The following NT5C1B variants were observed in gnomAD, a reference collection of about 807,000 sequenced individuals.
NT5C1B encodes cytosolic 5'-nucleotidase 1B.
NT5C1B carries 44 observed loss-of-function variants against 57.8 expected under a neutral mutation model. The ratio of observed to expected loss-of-function variants is 0.76; its 90% confidence interval spans 0.60 to 0.98. NT5C1B has a LOEUF of 0.98. NT5C1B is among the 50% of genes least tolerant of loss of function. The pLI is 0.00. For synonymous variants in NT5C1B, 284 were observed against 282.6 expected (o/e 1.00, Z -0.05); for missense variants, 742 against 719.5 (o/e 1.03, Z -0.36).
chr2:18,580,390 G>C (rs1666078058), intron 6 of NT5C1B, among the ~76,000 whole-genome samples: 1 of 152,210 alleles, frequency 6.6e-6, no homozygotes, highest in Middle Eastern at 3.2e-3. Flanking sequence ...AAGGCGGGCA[G>C]ATCATCTGAG....
chr2:18,565,317 T>C (rs551969059), intron 8 of NT5C1B, among the ~76,000 whole-genome samples: 2 of 152,344 alleles, frequency 1.3e-5, no homozygotes, highest in South Asian at 2.1e-4. Flanking sequence ...TTTGTGCTTC[T>C]AGTCCTCTGC....
At position 18,584,890 on chromosome 2, in the gene NT5C1B, G is replaced by C. The variant is rs61742596; in HGVS notation, c.347C>G (p.Ser116Trp). The stretch of plus-strand genomic sequence containing the variant: ...CTGGGGCGACGCGGGTGGCTGGAGC[G>C]AGGGCTGCCCGGACAGCGGCGGCGG... The change falls in exon 4 of 9, where the codon TCG becomes TGG. Residue 116 changes from serine (S) to tryptophan (W), a missense_variant. Coordinates refer to ENST00000304081, the Ensembl canonical transcript of NT5C1B. The surrounding 1 kb of genome is among the most constrained non-coding windows in gnomAD (Gnocchi z 5.8). 5.1e-5 allele frequency: 81 copies of C among 1,580,802 alleles called. 1 individual carries two copies. The East Asian group carries it at 1.8e-3, about 34-fold the overall frequency.
At position 18,584,258 on chromosome 2, in the gene NT5C1B, G is replaced by A; in HGVS notation, c.724-3C>T. On this transcript the variant is annotated splice_polypyrimidine_tract_variant and splice_region_variant and intron_variant, in intron 4 of 8. Coordinates refer to ENST00000304081, the Ensembl canonical transcript of NT5C1B. The surrounding 1 kb of genome is among the most constrained non-coding windows in gnomAD (Gnocchi z 5.8). ...GTGATGGCGTTCTTGGGTTTGGGCT[G>A]CAGAGAGGGACGCCAAAGGGAGGAT... 1 of 1,612,670 alleles carries A rather than the reference G, an allele frequency of 6.2e-7. No homozygotes were observed. Among genetic ancestry groups the A allele is most frequent in the Non-Finnish European group, 8.5e-7 (1 of 1,178,938 alleles).
At chr2:18,585,034 AG>A in intron 3 of NT5C1B, 56 bp from the exon 4 acceptor site, 1 of 1,587,188 alleles carries the variant, frequency 6.3e-7, no homozygotes, top group Non-Finnish European at 8.5e-7. Context: ...TCTCCGGTCA[AG>A]GATCTGTCCC....
intron 8 of NT5C1B, among the ~76,000 whole-genome samples, chr2:18,566,315 A>G (rs2148076252): frequency 6.6e-6 from 1 of 152,296 alleles, no homozygotes; most frequent in East Asian, 1.9e-4. Context: ...CATGATTCAA[A>G]GGCTCCCTTC....
intron 1 of NT5C1B, among the ~76,000 whole-genome samples, chr2:18,588,895 A>G (rs539138604): frequency 3.0e-4 from 46 of 152,204 alleles, no homozygotes; most frequent in African/African-American, 1.1e-3. Flanking sequence ...CTTTATCACT[A>G]TGTTCTACTA....
At chr2:18,568,333 A>G (rs556421375) in intron 8 of NT5C1B, among the ~76,000 whole-genome samples, 30 of 152,348 alleles carry the variant, frequency 2.0e-4, no homozygotes, top group African/African-American at 6.7e-4. Flanking sequence ...CAGTAAAAAT[A>G]AAATATTGTT....
chr2:18,584,235 G>A lies in NT5C1B; in HGVS notation c.744C>T (p.Ile248=), dbSNP rs1335601827. The A allele has an allele frequency of 6.2e-7, 1 of 1,614,016 alleles. No homozygotes were observed. The highest frequency in any genetic ancestry group is 8.5e-7 in the Non-Finnish European group (1 of 1,179,888). The change falls in exon 5 of 9, where the codon ATC becomes ATT. Residue 248 remains isoleucine, a synonymous_variant. Transcript: ENST00000304081. The surrounding 1 kb of genome is among the most constrained non-coding windows in gnomAD (Gnocchi z 5.8). ...GCGCGCAGGATGAGAGAGCAATGGT[G>A]ATGGCGTTCTTGGGTTTGGGCTGCA... is the stretch of plus-strand genomic sequence containing the variant.
At chr2:18,570,204 T>C (rs1665024966) in intron 8 of NT5C1B, among the ~76,000 whole-genome samples, 1 of 151,732 alleles carries the variant, frequency 6.6e-6, no homozygotes, top group African/African-American at 2.4e-5. Flanking sequence ...ACTACAGCGG[T>C]GTTTAGAGGA....
chr2:18,586,221 T>A (rs182272520), intron 3 of NT5C1B, 33 bp downstream of exon 3: 2 of 1,606,302 alleles, frequency 1.2e-6, no homozygotes, highest in African/African-American at 2.7e-5. Context: ...TATTATTCTA[T>A]CATCTACTAC....
chr2:18,588,704 T>G (rs1666943435), intron 1 of NT5C1B, among the ~76,000 whole-genome samples: 1 of 152,156 alleles, frequency 6.6e-6, no homozygotes, highest in Admixed American at 6.5e-5. Flanking sequence ...TCAAACAGGT[T>G]TCATGGCCTT....
chr2:18,577,762 G>C (rs1238205022), intron 6 of NT5C1B, among the ~76,000 whole-genome samples: 1 of 150,814 alleles, frequency 6.6e-6, no homozygotes, highest in African/African-American at 2.4e-5. Context: ...ACCATAATCA[G>C]AGCTGAACTG....
intron 6 of NT5C1B, among the ~76,000 whole-genome samples, chr2:18,579,085 G>A (rs1419726228): frequency 6.6e-6 from 1 of 152,066 alleles, no homozygotes; most frequent in Non-Finnish European, 1.5e-5. Flanking sequence ...AGCTATCCAT[G>A]GAGGTGAAAA....
At position 18,586,589 on chromosome 2, in the gene NT5C1B, A is replaced by G. The variant is rs570907015; in HGVS notation, c.121-198T>C. Reference sequence around the variant, plus strand: ...TCTAGTCCTCACTTCTGTTTGGAGCATCTATGTGGGGGTCCACTTGAAAGA... The same window carrying G: ...TCTAGTCCTCACTTCTGTTTGGAGCGTCTATGTGGGGGTCCACTTGAAAGA... On this transcript the variant is annotated intron_variant, in intron 2 of 8. Coordinates refer to ENST00000304081, the Ensembl canonical transcript of NT5C1B. 3.3e-5 allele frequency: 28 copies of G among 849,658 alleles called. 1 individual carries two copies. In the South Asian group the frequency reaches 4.3e-4, roughly 13 times the overall value. 52.6% of individuals were successfully genotyped at this position (849,658 alleles called of 1,614,324 possible).
chr2:18,584,825 C>G lies in NT5C1B; in HGVS notation c.412G>C (p.Glu138Gln), dbSNP rs1572378710. The change falls in exon 4 of 9, where the codon GAG becomes CAG. Residue 138 changes from glutamate (E) to glutamine (Q), a missense_variant. Coordinates refer to ENST00000304081, the Ensembl canonical transcript of NT5C1B. This position sits in a 1 kb window ranked among gnomAD's most constrained non-coding sequence, Gnocchi z 5.8. The stretch of plus-strand genomic sequence containing the variant: ...CTGCGCCGGGAGCCAGGATCGGGCT[C>G]TGGGGGCGTGGGAGGCCGCGAGTCC... 1.9e-6 allele frequency: 3 copies of G among 1,612,116 alleles called. No individual in the cohort carries two copies. In the East Asian group the frequency reaches 6.7e-5, roughly 36 times the overall value.
chr2:18,564,315 T>C (rs1422386938), intron 8 of NT5C1B, among the ~76,000 whole-genome samples, 196 bp from the exon 9 acceptor site: 2 of 152,220 alleles, frequency 1.3e-5, no homozygotes, highest in African/African-American at 4.8e-5. Context: ...AGAACCATCC[T>C]TGCATTCCTG....
At chr2:18,563,885 A>T (rs1664397247) in exon 9 of NT5C1B, 2 of 1,614,050 alleles carry the variant, frequency 1.2e-6, no homozygotes, top group Middle Eastern at 3.3e-4. Flanking sequence ...TCATCAAAGA[A>T]GATGTGGGGC....
At chr2:18,578,401 A>T (rs1665893849) in intron 6 of NT5C1B, among the ~76,000 whole-genome samples, 1 of 152,204 alleles carries the variant, frequency 6.6e-6, no homozygotes, top group African/African-American at 2.4e-5. Flanking sequence ...CCAGCAGCAC[A>T]TCAAAAAGCT....
At position 18,579,082 on chromosome 2, in the gene NT5C1B, C is replaced by T. The variant is rs142290354; in HGVS notation, c.1022-2187G>A. On this transcript the variant is annotated intron_variant, in intron 6 of 8. Coordinates refer to ENST00000304081, the Ensembl canonical transcript of NT5C1B. ...TAAAATACCTAGGAATACAGCTATC[C>T]ATGGAGGTGAAAAATCTCTACAAGG... Among the ~76,000 whole-genome samples the T allele has an allele frequency of 3.7e-3, 565 of 152,122 alleles. 4 individuals carry two copies. Among genetic ancestry groups the T allele is most frequent in the African/African-American group, 0.013 (531 of 41,502 alleles).
Sources: allele counts gnomAD v4.1 joint callset (sites outside exome capture counted in the v4.1 genomes callset), GRCh38; gene constraint gnomAD v4.1.1; non-coding constraint Gnocchi (gnomAD v3.1); transcripts MANE v1.5; gene names NCBI Gene and HGNC (gene_info 2026-07-23, HGNC 2026-07-21).